The following DNAJC5B variants were observed in gnomAD, a reference collection of about 807,000 sequenced individuals.
DNAJC5B encodes dnaJ homolog subfamily C member 5B.
In DNAJC5B, 23 loss-of-function variants were observed where a neutral mutation model predicts 24.7. That is an observed-to-expected ratio of 0.93 (90% CI 0.67 to 1.32). The LOEUF is 1.32. Among genes scored for constraint, DNAJC5B ranks in the 40% most tolerant of loss-of-function variants. The pLI is 0.00. For missense variants in DNAJC5B, 238 were observed against 240.8 expected (o/e 0.99, Z 0.08); for synonymous variants, 101 against 90.1 (o/e 1.12, Z -0.68).
At chr8:66,074,155 T>C (rs1807412266) in intron 3 of DNAJC5B, among the ~76,000 whole-genome samples, 1 of 152,198 alleles carries the variant, frequency 6.6e-6, no homozygotes, top group African/African-American at 2.4e-5. Flanking sequence ...AAACGGTATA[T>C]ATAACAGCCT....
intron 3 of DNAJC5B, among the ~76,000 whole-genome samples, chr8:66,071,475 G>T (rs1055700962): frequency 2.0e-5 from 3 of 152,198 alleles, no homozygotes; most frequent in African/African-American, 7.2e-5. Context: ...GGTCATTAGA[G>T]AAATGCAAAT....
chr8:66,089,549 C>CT (rs1306958358), intron 5 of DNAJC5B, among the ~76,000 whole-genome samples: 2 of 152,138 alleles, frequency 1.3e-5, no homozygotes, highest in Non-Finnish European at 1.5e-5. Flanking sequence ...AATTATGTAT[C>CT]TAAGACTTTT....
At chr8:66,049,539 T>C (rs966277716) in intron 2 of DNAJC5B, among the ~76,000 whole-genome samples, 1 of 152,240 alleles carries the variant, frequency 6.6e-6, no homozygotes, top group Non-Finnish European at 1.5e-5. Flanking sequence ...GGCTATACCA[T>C]ATAGCCTTGG....
Position 66,100,096 on chromosome 8 carries a change from G to A in DNAJC5B, c.*65G>A. ...TCAGTCTTGTCTCCAGATGGTCGTA[G>A]GGGAGCGTGTGGGGCATAAAGTGCT... On this transcript the variant is annotated 3_prime_UTR_variant, in exon 6 of 6. Transcript: ENST00000276570. The A allele has an allele frequency of 1.4e-6, 2 of 1,441,524 alleles. No individual in the cohort carries two copies. The highest frequency in any genetic ancestry group is 1.9e-6 in the Non-Finnish European group (2 of 1,044,310). The allele number at this position is 1,441,524 out of a possible 1,614,324, so 89.3% of individuals were successfully genotyped here. A position where few individuals can be genotyped will look rare whatever the true frequency, so the allele number is the denominator to read the frequency against.
intron 3 of DNAJC5B, among the ~76,000 whole-genome samples, chr8:66,063,664 T>A (rs1807130722): frequency 6.6e-6 from 1 of 152,222 alleles, no homozygotes; most frequent in Admixed American, 6.5e-5. Flanking sequence ...TCTCAGTCAT[T>A]CCTAGGTGCC....
At position 66,055,188 on chromosome 8, in the gene DNAJC5B, T is replaced by C. The variant is rs149821248; in HGVS notation, c.119+3522T>C. Among the ~76,000 whole-genome samples the C allele has an allele frequency of 4.6e-5, 7 of 152,274 alleles. No individual in the cohort carries two copies. The East Asian group carries it at 7.7e-4, about 17-fold the overall frequency. On this transcript the variant is annotated intron_variant, in intron 3 of 5. Transcript: ENST00000276570. ...TAATTTTGTTTTAATGTCATACAAATATTATTTTTTCAGGTGATTAGGGTA... is the reference window on the plus strand; with the variant it reads ...TAATTTTGTTTTAATGTCATACAAACATTATTTTTTCAGGTGATTAGGGTA...
At position 66,076,769 on chromosome 8, in the gene DNAJC5B, A is replaced by G; in HGVS notation, c.229A>G (p.Arg77Gly). The G allele has an allele frequency of 6.2e-7, 1 of 1,614,218 alleles. No individual in the cohort carries two copies. Among genetic ancestry groups the G allele is most frequent in the Non-Finnish European group, 8.5e-7 (1 of 1,180,026 alleles). ...AHAILTDISK[R>G]SIYDKYGSLG... ...CGCAATACTTACCGACATTTCAAAG[A>G]GAAGCATATACGACAAGTACGGATC... Residue 77 changes from arginine to glycine, a missense_variant, in exon 4 of 6, where the codon AGA becomes GGA. By Grantham distance (125) the Arg-to-Gly change is moderately radical. Transcript: ENST00000276570.
At chr8:66,026,538 G>A (rs964243015) in intron 1 of DNAJC5B, among the ~76,000 whole-genome samples, 89 of 152,350 alleles carry the variant, frequency 5.8e-4, no homozygotes, top group Admixed American at 7.2e-4. Context: ...TCTTGCTGCC[G>A]TCCCCTGAGG....
At chr8:66,019,679 T>C (rs1389744756), upstream of DNAJC5B, among the ~76,000 whole-genome samples, 1 of 152,262 alleles carries the variant, frequency 6.6e-6, no homozygotes, top group Non-Finnish European at 1.5e-5. Context: ...TTAGTGCAGA[T>C]GGCAATATTC....
intron 2 of DNAJC5B, among the ~76,000 whole-genome samples, chr8:66,050,785 A>G (rs922053045): frequency 3.9e-5 from 6 of 152,242 alleles, no homozygotes; most frequent in Non-Finnish European, 7.3e-5. Context: ...CTAACTCTAT[A>G]TTCTTCAGTC....
At chr8:66,036,707 G>T (rs1806493250) in intron 1 of DNAJC5B, among the ~76,000 whole-genome samples, 1 of 152,116 alleles carries the variant, frequency 6.6e-6, no homozygotes, top group South Asian at 2.1e-4. Flanking sequence ...CTGAATGGTG[G>T]GTCGGCCTTG....
chr8:66,034,164 A>G (rs1453807800), intron 1 of DNAJC5B, among the ~76,000 whole-genome samples: 1 of 120,184 alleles, frequency 8.3e-6, no homozygotes, highest in East Asian at 2.1e-4. Context: ...TATTCTCTCT[A>G]TTGTTGTTGT....
At chr8:66,053,784 C>T (rs919926413) in intron 3 of DNAJC5B, among the ~76,000 whole-genome samples, 1 of 152,130 alleles carries the variant, frequency 6.6e-6, no homozygotes, top group Non-Finnish European at 1.5e-5. Context: ...TGCCTGTCAC[C>T]ATGCCCGGCT....
chr8:66,049,351 T>C (rs1806795756), intron 2 of DNAJC5B, among the ~76,000 whole-genome samples: 1 of 152,216 alleles, frequency 6.6e-6, no homozygotes, highest in Non-Finnish European at 1.5e-5. Context: ...ACTCACTGAT[T>C]CAGAACAACT....
intron 1 of DNAJC5B, among the ~76,000 whole-genome samples, chr8:66,037,768 T>A (rs531277736): frequency 1.3e-5 from 2 of 152,332 alleles, no homozygotes; most frequent in South Asian, 4.1e-4. Flanking sequence ...GCTCTACTAA[T>A]GAGTTGATGG....
chr8:66,033,708 G>A (rs1257099417), intron 1 of DNAJC5B, among the ~76,000 whole-genome samples: 2 of 150,622 alleles, frequency 1.3e-5, no homozygotes, highest in Admixed American at 6.6e-5. Flanking sequence ...AAACACAATT[G>A]GTGGTAACAA....
chr8:66,042,510 T>C (rs1806631569), intron 1 of DNAJC5B, among the ~76,000 whole-genome samples: 1 of 152,242 alleles, frequency 6.6e-6, no homozygotes, highest in Non-Finnish European at 1.5e-5. Context: ...TATTTTTATT[T>C]CATCAAAGGA....
chr8:66,050,128 G>T (rs1806814324), intron 2 of DNAJC5B, among the ~76,000 whole-genome samples: 1 of 152,132 alleles, frequency 6.6e-6, no homozygotes, highest in East Asian at 1.9e-4. Flanking sequence ...GTACCCAGAA[G>T]CCACATTCAA....
intron 2 of DNAJC5B, among the ~76,000 whole-genome samples, chr8:66,050,663 A>G (rs546741452): frequency 1.1e-4 from 16 of 152,174 alleles, no homozygotes; most frequent in Non-Finnish European, 2.2e-4. Flanking sequence ...GTGGGGACCT[A>G]TGCACTCCCC....
Sources: allele counts gnomAD v4.1 joint callset (sites outside exome capture counted in the v4.1 genomes callset), GRCh38; gene constraint gnomAD v4.1.1; transcripts MANE v1.5; gene names NCBI Gene and HGNC (gene_info 2026-07-23, HGNC 2026-07-21).